The following CDH9 variants were observed in gnomAD, a reference collection of about 807,000 sequenced individuals.
CDH9 encodes cadherin-9.
In CDH9, 28 loss-of-function variants were observed where a neutral mutation model predicts 70.9. The ratio of observed to expected loss-of-function variants is 0.40; its 90% CI spans 0.29 to 0.54. CDH9 has a LOEUF of 0.54. CDH9 is among the 20% of genes least tolerant of loss of function. The pLI is 0.59. For missense variants in CDH9, 874 were observed against 984.4 expected, an observed-to-expected ratio of 0.89 and a Z score of 1.50; for synonymous variants, 409 against 343.1, an observed-to-expected ratio of 1.19 and a Z score of -2.12.
intron 9 of CDH9, 80 bp downstream of exon 9, chr5:26,889,756 C>A: frequency 1.2e-6 from 1 of 806,054 alleles, no homozygotes; most frequent in South Asian, 1.9e-5. Flanking sequence ...AAAAGAAATC[C>A]TGCAAATAAA....
chr5:26,979,455 A>T (rs1223678638), intron 2 of CDH9, among the ~76,000 whole-genome samples: 2 of 151,716 alleles, frequency 1.3e-5, no homozygotes, highest in East Asian at 1.9e-4. Flanking sequence ...GAAAAAAATT[A>T]AAAAAACAGA....
intron 1 of CDH9, among the ~76,000 whole-genome samples, chr5:26,989,366 T>C (rs1474189583): frequency 6.6e-6 from 1 of 152,040 alleles, no homozygotes; most frequent in Non-Finnish European, 1.5e-5. Flanking sequence ...CTCAAACTAG[T>C]AGGCAAAAAA....
intron 1 of CDH9, among the ~76,000 whole-genome samples, chr5:27,025,034 C>T (rs759217745): frequency 1.3e-5 from 2 of 152,000 alleles, no homozygotes; most frequent in East Asian, 3.9e-4. Flanking sequence ...GTTGCATTTC[C>T]TTATAGAAAA....
chr5:27,007,698 A>G (rs936319888), intron 1 of CDH9, among the ~76,000 whole-genome samples: 8 of 152,136 alleles, frequency 5.3e-5, no homozygotes, highest in Admixed American at 1.3e-4. Flanking sequence ...ATATTTGTGT[A>G]TCTTAATTAA....
chr5:26,891,270 G>T (rs1252686297), intron 7 of CDH9, among the ~76,000 whole-genome samples: 1 of 152,220 alleles, frequency 6.6e-6, no homozygotes, highest in Non-Finnish European at 1.5e-5. Context: ...CTGTGAAGAT[G>T]TTGTTTTACA....
chr5:26,995,001 T>C (rs1195428077), intron 1 of CDH9, among the ~76,000 whole-genome samples: 1 of 152,162 alleles, frequency 6.6e-6, no homozygotes, highest in Admixed American at 6.6e-5. Flanking sequence ...CTCTATTGCT[T>C]TCTGTTATAC....
chr5:26,999,513 G>A (rs1561035057), intron 1 of CDH9, among the ~76,000 whole-genome samples: 2 of 152,088 alleles, frequency 1.3e-5, no homozygotes, highest in African/African-American at 2.4e-5. Flanking sequence ...TGATAGCATG[G>A]TATTGCAGAA....
intron 2 of CDH9, among the ~76,000 whole-genome samples, chr5:26,981,228 G>A (rs1269338083): frequency 1.3e-5 from 2 of 151,998 alleles, no homozygotes; most frequent in Non-Finnish European, 2.9e-5. Flanking sequence ...GTGGGTGATT[G>A]GTTCCAGGAA....
Position 26,977,994 on chromosome 5 carries a change from AT to A in CDH9, c.228+10111del, listed in dbSNP as rs1437858694. ...AAACAAAATAATAGCCTGCCTAGAA[AT>A]TTCTAAAACCAAACCTACACAGGAT... On this transcript the variant is annotated intron_variant, in intron 2 of 11. Transcript: ENST00000231021. Among the ~76,000 whole-genome samples the A allele has an allele frequency of 2.0e-5, 3 of 152,052 alleles. No individual in the cohort carries two copies. In the East Asian group the frequency reaches 5.8e-4, roughly 29 times the overall value.
chr5:27,025,766 C>T (rs1743210855), intron 1 of CDH9, among the ~76,000 whole-genome samples: 1 of 152,036 alleles, frequency 6.6e-6, no homozygotes. Flanking sequence ...TTCTTATTCT[C>T]TCGTGCCTCC....
intron 1 of CDH9, among the ~76,000 whole-genome samples, chr5:27,001,614 T>C (rs1742769575): frequency 6.6e-6 from 1 of 152,110 alleles, no homozygotes; most frequent in Non-Finnish European, 1.5e-5. Context: ...AGTTAGTATA[T>C]ACACATATAT....
intron 2 of CDH9, among the ~76,000 whole-genome samples, chr5:26,956,245 C>T (rs1402705497): frequency 6.6e-6 from 1 of 152,080 alleles, no homozygotes; most frequent in Non-Finnish European, 1.5e-5. Flanking sequence ...TCTGAATTCC[C>T]CTGCACAAAT....
In CDH9 at chr5:26,982,738, G is replaced by A. The variant is rs1354772988; in HGVS notation, c.228+5368C>T. On this transcript the variant is annotated intron_variant, in intron 2 of 11. Transcript: ENST00000231021. ...GAGTCTTGCTCCATCGCCCAGGCTC[G>A]ATCTCGGCTCACTGGCTCACTGCAA... Among the ~76,000 whole-genome samples the A allele has an allele frequency of 3.3e-5, 5 of 151,792 alleles. No homozygotes were observed. The East Asian group carries it at 7.7e-4, about 23-fold the overall frequency.
rs373625166 is a variant in CDH9 at position 26,889,965 on chromosome 5, G to A, written c.1391-8C>T. On this transcript the variant is annotated splice_region_variant and splice_polypyrimidine_tract_variant and intron_variant, in intron 8 of 11. Coordinates refer to ENST00000231021, the MANE Select transcript of CDH9 (RefSeq NM_016279.4). ...TACTTTGTTTTGGGTTATCTGCAAC[G>A]AGAACACGTGTAAGATTTCAGTCTC... is the stretch of plus-strand genomic sequence containing the variant. 49 of 1,608,620 alleles carry A rather than the reference G, an allele frequency of 3.0e-5. No individual in the cohort carries two copies. Among genetic ancestry groups the A allele is most frequent in the South Asian group, 2.1e-4 (19 of 90,022 alleles).
intron 7 of CDH9, among the ~76,000 whole-genome samples, chr5:26,893,696 ATTTTAT>A (rs539873381): frequency 8.1e-5 from 11 of 135,666 alleles, no homozygotes; most frequent in African/African-American, 2.8e-4. Flanking sequence ...ATTTTATTTT[ATTTTAT>A]TTTTATTTTT....
chr5:26,987,703 A>AGGAAGCT (rs1252010400), intron 2 of CDH9, among the ~76,000 whole-genome samples: 1 of 152,116 alleles, frequency 6.6e-6, no homozygotes, highest in Non-Finnish European at 1.5e-5. Flanking sequence ...AGCAGGAAGC[A>AGGAAGCT]GGAAGCTCAC....
chr5:26,909,949 T>G (rs1741019935), intron 3 of CDH9, among the ~76,000 whole-genome samples: 1 of 151,876 alleles, frequency 6.6e-6, no homozygotes, highest in South Asian at 2.1e-4. Context: ...ATATAATTAT[T>G]ATTATAATTT....
At chr5:26,890,242 A>T (rs1457109608) in intron 8 of CDH9, among the ~76,000 whole-genome samples, 186 bp downstream of exon 8, 1 of 152,224 alleles carries the variant, frequency 6.6e-6, no homozygotes, top group Admixed American at 6.5e-5. Context: ...AAGAAAATCA[A>T]ATTTGAAATG....
intron 2 of CDH9, among the ~76,000 whole-genome samples, chr5:26,982,808 G>A (rs560984774): frequency 5.3e-5 from 8 of 151,662 alleles, no homozygotes; most frequent in South Asian, 2.1e-4. Context: ...TCAGCCTCCC[G>A]AGTAGCTAGG....
Sources: allele counts gnomAD v4.1 joint callset (sites outside exome capture counted in the v4.1 genomes callset), GRCh38; gene constraint gnomAD v4.1.1; transcripts MANE v1.5; gene names NCBI Gene and HGNC (gene_info 2026-07-23, HGNC 2026-07-21).